FRMD5: variants seen among roughly 807,000 people sequenced by gnomAD.
FRMD5 encodes FERM domain containing 5.
In FRMD5, 20 loss-of-function variants were observed where a neutral mutation model predicts 69.0. That is an observed-to-expected ratio of 0.29 (90% CI 0.20 to 0.42). The LOEUF (loss-of-function observed/expected upper bound fraction) is 0.42. Among genes scored for constraint, FRMD5 ranks in the 10% least tolerant of loss-of-function variants. The probability of loss-of-function intolerance (pLI) is 1.00; values close to 1 mark genes in which losing one functional copy is unlikely to be tolerated. For synonymous variants in FRMD5, 271 were observed against 260.1 expected (o/e 1.04, Z -0.40); for missense variants, 595 against 708.6 (o/e 0.84, Z 1.82).
intron 1 of FRMD5, among the ~76,000 whole-genome samples, chr15:44,024,329 T>C (rs909290574): frequency 1.3e-5 from 2 of 152,150 alleles, no homozygotes; most frequent in African/African-American, 4.8e-5. Flanking sequence ...AGATATATAT[T>C]AAGAAGTGGA....
chr15:44,042,502 T>C (rs1037669575), intron 1 of FRMD5, among the ~76,000 whole-genome samples: 1 of 152,246 alleles, frequency 6.6e-6, no homozygotes, highest in Non-Finnish European at 1.5e-5. Flanking sequence ...CCAATATCCC[T>C]GATGAACATC....
chr15:44,174,887 C>T (rs890338475), intron 1 of FRMD5, among the ~76,000 whole-genome samples: 1 of 152,002 alleles, frequency 6.6e-6, no homozygotes, highest in African/African-American at 2.4e-5. Flanking sequence ...GGGAACATCA[C>T]ACACCGGGGC....
chr15:44,073,837 C>A (rs752386675), intron 1 of FRMD5, among the ~76,000 whole-genome samples: 1 of 152,052 alleles, frequency 6.6e-6, no homozygotes, highest in Non-Finnish European at 1.5e-5. Context: ...TTGCAGCTTA[C>A]GACAATAAAA....
chr15:43,906,094 G>C, intron 5 of FRMD5, 143 bp from the exon 6 acceptor site: 1 of 1,060,078 alleles, frequency 9.4e-7, no homozygotes, highest in Non-Finnish European at 1.4e-6. Flanking sequence ...ACGGCTGTGG[G>C]CTGGGCAGAG....
At chr15:43,902,139 G>T in intron 7 of FRMD5, 36 bp downstream of exon 7, 1 of 1,508,504 alleles carries the variant, frequency 6.6e-7, no homozygotes, top group African/African-American at 1.4e-5. Flanking sequence ...TTCTAGAGGA[G>T]GAAAGGTCAT....
At chr15:44,085,956 A>G (rs1197912366) in intron 1 of FRMD5, among the ~76,000 whole-genome samples, 2 of 152,140 alleles carry the variant, frequency 1.3e-5, no homozygotes, top group African/African-American at 2.4e-5. Flanking sequence ...GGTAAAATAT[A>G]CTAAGAGTCT....
At chr15:44,124,007 T>C (rs1158261644) in intron 1 of FRMD5, among the ~76,000 whole-genome samples, 2 of 152,156 alleles carry the variant, frequency 1.3e-5, no homozygotes, top group East Asian at 3.9e-4. Flanking sequence ...TTTTTGTTTT[T>C]TGAGACAGAG....
At chr15:43,913,272 A>G (rs1009979899) in intron 4 of FRMD5, among the ~76,000 whole-genome samples, 2 of 152,214 alleles carry the variant, frequency 1.3e-5, no homozygotes, top group Non-Finnish European at 2.9e-5. Context: ...GTTAAAGGCA[A>G]GGCCACAGGG....
chr15:43,930,850 T>A (rs2089662968), intron 1 of FRMD5, among the ~76,000 whole-genome samples: 1 of 151,994 alleles, frequency 6.6e-6, no homozygotes, highest in Admixed American at 6.6e-5. Context: ...AACATGGAGG[T>A]CACCGTGCGC....
chr15:44,154,579 T>C (rs2077497728), intron 1 of FRMD5, among the ~76,000 whole-genome samples: 1 of 152,234 alleles, frequency 6.6e-6, no homozygotes, highest in Non-Finnish European at 1.5e-5. Flanking sequence ...AACTGCTTGG[T>C]AGATACTTTT....
At chr15:44,072,468 C>A (rs1214851441) in intron 1 of FRMD5, among the ~76,000 whole-genome samples, 1 of 152,168 alleles carries the variant, frequency 6.6e-6, no homozygotes, top group Non-Finnish European at 1.5e-5. Context: ...CACAGCTAGA[C>A]TACCTTGCCC....
At chr15:43,951,257 G>A (rs1213000142) in intron 1 of FRMD5, among the ~76,000 whole-genome samples, 3 of 151,542 alleles carry the variant, frequency 2.0e-5, no homozygotes, top group Non-Finnish European at 4.4e-5. Context: ...TGTCTGTACT[G>A]AAAATACAAA....
chr15:44,035,170 C>A (rs146745516), intron 1 of FRMD5, among the ~76,000 whole-genome samples: 89 of 152,220 alleles, frequency 5.8e-4, no homozygotes, highest in African/African-American at 2.1e-3. Context: ...GTGACTCTTC[C>A]GGGGCTAAGT....
chr15:44,061,866 G>A (rs771869036), intron 1 of FRMD5, among the ~76,000 whole-genome samples: 1 of 152,140 alleles, frequency 6.6e-6, no homozygotes, highest in Admixed American at 6.5e-5. Context: ...GATACCGGAC[G>A]TAATACTTCT....
rs2089314127 is a variant in FRMD5, at chr15:43,912,865, A to G, written c.330-2886T>C. The stretch of plus-strand genomic sequence containing the variant: ...AAACCCCATCTCTACTAAAAATACA[A>G]AAAAAAAAAAAAAAAATTAGCCAGG... On this transcript the variant is annotated intron_variant, in intron 4 of 13. Transcript: ENST00000417257. 3.4e-5 allele frequency among the ~76,000 whole-genome samples: 3 copies of G among 88,676 alleles called. No homozygotes were observed. The South Asian group carries it at 9.1e-4, about 27-fold the overall frequency. The allele number at this position is 88,676 out of a possible 152,430, so 58.2% of individuals were successfully genotyped here. A position where few individuals can be genotyped will look rare whatever the true frequency, so the allele number is the denominator to read the frequency against.
Position 44,049,151 on chromosome 15 carries a change from C to G in FRMD5, c.103-124842G>C, listed in dbSNP as rs569021751. Among the ~76,000 whole-genome samples, 4 of 152,276 alleles carry G rather than the reference C, an allele frequency of 2.6e-5. No homozygotes were observed. In the South Asian group the frequency reaches 6.2e-4, roughly 24 times the overall value. ...GCAACTGAAATCCACAGATGATATG[C>G]AATCTTTATTTCAAACATAGTTTTA... On this transcript the variant is annotated intron_variant, in intron 1 of 13. Transcript: ENST00000417257.
chr15:44,104,481 G>A (rs1366177418), intron 1 of FRMD5, among the ~76,000 whole-genome samples: 1 of 152,164 alleles, frequency 6.6e-6, no homozygotes, highest in Non-Finnish European at 1.5e-5. Flanking sequence ...GATTCATCCA[G>A]AGCAACTTCT....
At chr15:44,078,194 T>C (rs1263924358) in intron 1 of FRMD5, among the ~76,000 whole-genome samples, 2 of 152,120 alleles carry the variant, frequency 1.3e-5, no homozygotes, top group African/African-American at 4.8e-5. Context: ...GGTTTCCTTC[T>C]TTTTCTCTAC....
chr15:44,128,039 G>C (rs1566960639), intron 1 of FRMD5, among the ~76,000 whole-genome samples: 1 of 152,284 alleles, frequency 6.6e-6, no homozygotes, highest in East Asian at 1.9e-4. Flanking sequence ...TGCCAAGAGA[G>C]AGGAAGGTAA....
Sources: allele counts gnomAD v4.1 joint callset (sites outside exome capture counted in the v4.1 genomes callset), GRCh38; gene constraint gnomAD v4.1.1; transcripts MANE v1.5; gene names NCBI Gene and HGNC (gene_info 2026-07-23, HGNC 2026-07-21).